PPME1: variants seen among roughly 807,000 people sequenced by gnomAD.
PPME1 encodes protein phosphatase methylesterase 1.
A neutral mutation model predicts 56.9 loss-of-function variants in PPME1; 17 were observed. The ratio of observed to expected loss-of-function variants is 0.30; its 90% confidence interval spans 0.20 to 0.45. The LOEUF (loss-of-function observed/expected upper bound fraction) is 0.45. Among genes scored for constraint, PPME1 ranks in the 20% least tolerant of loss-of-function variants. The pLI is 1.00. For synonymous variants in PPME1, 122 were observed against 156.2 expected (o/e 0.78, Z 1.63); for missense variants, 357 against 483.2 (o/e 0.74, Z 2.45).
chr11:74,192,364 G>T (rs918850668), intron 1 of PPME1, among the ~76,000 whole-genome samples: 2 of 152,068 alleles, frequency 1.3e-5, no homozygotes, highest in African/African-American at 2.4e-5. Flanking sequence ...GGTTTTACAG[G>T]CTCATAAGTA....
chr11:74,190,253 A>C (rs763630010), intron 1 of PPME1, among the ~76,000 whole-genome samples: 1 of 152,152 alleles, frequency 6.6e-6, no homozygotes, highest in Non-Finnish European at 1.5e-5. Context: ...TGTAATCACC[A>C]ATGCTGGAGG....
At chr11:74,225,657 T>C (rs762883563) in intron 5 of PPME1, among the ~76,000 whole-genome samples, 1 of 152,202 alleles carries the variant, frequency 6.6e-6, no homozygotes, top group East Asian at 1.9e-4. Flanking sequence ...TTCTTCGTCT[T>C]ATGTCATAGA....
Position 74,230,693 on chromosome 11 carries a change from A to G in PPME1, c.554-219A>G. On this transcript the variant is annotated intron_variant, in intron 6 of 13. Transcript: ENST00000328257. The surrounding 1 kb of genome is among the most constrained non-coding windows in gnomAD (Gnocchi z 4.9). ...TTTCTGACCCAGCTTCAGAAGTCAC[A>G]CTGCTGCTTGTGAATACAAGTCATC... The G allele has an allele frequency of 1.7e-6, 1 of 600,644 alleles. No individual in the cohort carries two copies. Among genetic ancestry groups the G allele is most frequent in the Non-Finnish European group, 2.9e-6 (1 of 346,430 alleles). 37.2% of individuals were successfully genotyped at this position (600,644 alleles called of 1,614,324 possible).
intron 12 of PPME1, chr11:74,251,285 C>T: frequency 7.4e-7 from 1 of 1,360,532 alleles, no homozygotes; most frequent in Non-Finnish European, 9.4e-7. Flanking sequence ...TCTCCAATAC[C>T]CCCAAAAGCC....
chr11:74,241,439 T>A (rs113290403), intron 9 of PPME1, among the ~76,000 whole-genome samples: 1 of 152,202 alleles, frequency 6.6e-6, no homozygotes, highest in African/African-American at 2.4e-5. Flanking sequence ...GAATAATACT[T>A]CTTTGAACAT....
intron 5 of PPME1, among the ~76,000 whole-genome samples, chr11:74,227,408 T>C (rs1362102756): frequency 6.6e-6 from 1 of 152,036 alleles, no homozygotes; most frequent in African/African-American, 2.4e-5. Flanking sequence ...GGCGAACAAA[T>C]TGGATTCTTG....
intron 1 of PPME1, among the ~76,000 whole-genome samples, chr11:74,195,751 G>A (rs1857964005): frequency 6.6e-6 from 1 of 152,146 alleles, no homozygotes; most frequent in African/African-American, 2.4e-5. Flanking sequence ...CATGATGGAT[G>A]TGAAATATGA....
chr11:74,211,690 T>A (rs1316096037), intron 3 of PPME1, among the ~76,000 whole-genome samples: 9 of 152,118 alleles, frequency 5.9e-5, no homozygotes, highest in Non-Finnish European at 1.3e-4. Flanking sequence ...TAAAAAATAT[T>A]TCATATATGT....
chr11:74,230,967 A>G lies in PPME1; in HGVS notation c.609A>G (p.Lys203=). ...AGAATTTCTTACGGGGTCGTCCTAA[A>G]ACCTTCAAGTCTCTGGAGAATGCTA... ...SMQNFLRGRP[K]TFKSLENAIE... is the part of the protein sequence containing the mutation. Residue 203 remains lysine, a synonymous_variant, in exon 7 of 14, where the codon AAA becomes AAG. Coordinates refer to ENST00000328257, the MANE Select transcript of PPME1 (RefSeq NM_016147.3). The surrounding 1 kb of genome is among the most constrained non-coding windows in gnomAD (Gnocchi z 4.9). 1 of 1,604,328 alleles carries G rather than the reference A, an allele frequency of 6.2e-7. No homozygotes were observed. Among genetic ancestry groups the G allele is most frequent in the Non-Finnish European group, 8.5e-7 (1 of 1,175,288 alleles).
intron 3 of PPME1, among the ~76,000 whole-genome samples, chr11:74,214,688 G>GAA (rs532768564): frequency 0.028 from 3,912 of 139,762 alleles, 165 homozygotes; most frequent in African/African-American, 0.092. Context: ...ATGCTGAAGG[G>GAA]AAAAAAAAAA....
intron 1 of PPME1, among the ~76,000 whole-genome samples, chr11:74,192,308 C>T (rs1219036840): frequency 6.6e-6 from 1 of 152,104 alleles, no homozygotes; most frequent in Non-Finnish European, 1.5e-5. Flanking sequence ...AATGTTTACC[C>T]AATGCATGTA....
At position 74,253,657 on chromosome 11, in the gene PPME1, CT is replaced by C; in HGVS notation, c.*151del. On this transcript the variant is annotated 3_prime_UTR_variant, in exon 14 of 14. Coordinates refer to ENST00000328257, the MANE Select transcript of PPME1 (RefSeq NM_016147.3). ...GACGGGCACCCCGAGATGTACCAAC[CT>C]TTTCATGTATTCTGCCAAAAGCATT... 1.2e-6 allele frequency: 1 copy of C among 849,394 alleles called. No individual in the cohort carries two copies. Among genetic ancestry groups the C allele is most frequent in the Non-Finnish European group, 1.9e-6 (1 of 517,332 alleles). The allele number at this position is 849,394 out of a possible 1,614,324, so 52.6% of individuals were successfully genotyped here. A position where few individuals can be genotyped will look rare whatever the true frequency, so the allele number is the denominator to read the frequency against.
chr11:74,231,818 G>C (rs1859075767), intron 7 of PPME1, among the ~76,000 whole-genome samples: 1 of 151,968 alleles, frequency 6.6e-6, no homozygotes, highest in African/African-American at 2.4e-5. Flanking sequence ...TTGGATTTTG[G>C]GTAAATAAAC....
chr11:74,197,611 A>G (rs1450964125), intron 1 of PPME1, among the ~76,000 whole-genome samples: 1 of 152,242 alleles, frequency 6.6e-6, no homozygotes, highest in Non-Finnish European at 1.5e-5. Context: ...AAAGTCCCAT[A>G]GTTTAATAAA....
chr11:74,246,586 TC>T (rs762924035), intron 10 of PPME1, among the ~76,000 whole-genome samples: 6 of 152,204 alleles, frequency 3.9e-5, no homozygotes, highest in Non-Finnish European at 8.8e-5. Context: ...CACAACTCAG[TC>T]CATAGCAGTG....
At chr11:74,245,474 A>G (rs1055169587) in intron 9 of PPME1, among the ~76,000 whole-genome samples, 7 of 152,176 alleles carry the variant, frequency 4.6e-5, no homozygotes, top group African/African-American at 1.7e-4. Context: ...CTTATCTACA[A>G]TAAAGATTTA....
chr11:74,196,947 A>T (rs1164136993), intron 1 of PPME1, among the ~76,000 whole-genome samples: 1 of 152,224 alleles, frequency 6.6e-6, no homozygotes, highest in African/African-American at 2.4e-5. Flanking sequence ...AAACACCTAG[A>T]GGCTAGGAAT....
chr11:74,185,638 T>C (rs1857659742), intron 1 of PPME1, among the ~76,000 whole-genome samples: 1 of 150,994 alleles, frequency 6.6e-6, no homozygotes, highest in African/African-American at 2.5e-5. Context: ...TTTAGAAAAG[T>C]TGTCATTATA....
chr11:74,193,231 A>AG (rs372147390), intron 1 of PPME1, among the ~76,000 whole-genome samples: 1 of 152,376 alleles, frequency 6.6e-6, no homozygotes, highest in East Asian at 1.9e-4. Flanking sequence ...TTCAATCAGG[A>AG]ATGATGGTGA....
Sources: gnomAD v4.1 joint callset for allele counts (sites outside exome capture counted in the v4.1 genomes callset) on GRCh38, gnomAD v4.1.1 for gene constraint, Gnocchi (gnomAD v3.1) non-coding constraint, MANE v1.5 for transcripts, NCBI Gene and HGNC (gene_info 2026-07-23, HGNC 2026-07-21) for gene names.